The following CPNE5 variants were observed in gnomAD, a reference collection of about 807,000 sequenced individuals.
The protein encoded by CPNE5 is copine-5.
CPNE5 carries 42 observed loss-of-function variants against 81.1 expected under a neutral mutation model. The observed-to-expected ratio is 0.52, with a 90% CI of 0.40 to 0.67. The LOEUF (loss-of-function observed/expected upper bound fraction) is 0.67, where lower values mean the gene tolerates loss of function less well. Among genes scored for constraint, CPNE5 ranks in the 30% least tolerant of loss-of-function variants. The probability of loss-of-function intolerance (pLI) is 0.00; values close to 1 mark genes in which losing one functional copy is unlikely to be tolerated. For synonymous variants in CPNE5, 313 were observed against 321.5 expected (o/e 0.97, Z 0.28); for missense variants, 612 against 815.5 (o/e 0.75, Z 3.04).
intron 1 of CPNE5, among the ~76,000 whole-genome samples, chr6:36,834,926 C>G (rs943954103): frequency 2.0e-5 from 3 of 152,176 alleles, no homozygotes; most frequent in African/African-American, 7.2e-5. Context: ...GTTCACACCC[C>G]TTCTGAGAGA....
intron 10 of CPNE5, among the ~76,000 whole-genome samples, chr6:36,771,313 G>C (rs1454187933): frequency 6.6e-6 from 1 of 152,146 alleles, no homozygotes; most frequent in Non-Finnish European, 1.5e-5. Flanking sequence ...ACAGAATCTA[G>C]AGCCAGGCTG....
At chr6:36,749,297 G>T (rs1000726787) in intron 14 of CPNE5, among the ~76,000 whole-genome samples, 4 of 152,064 alleles carry the variant, frequency 2.6e-5, no homozygotes, top group African/African-American at 4.8e-5. Flanking sequence ...CAGGTGCTTG[G>T]GGGGAATGAA....
chr6:36,828,325 A>G (rs1454767352), intron 1 of CPNE5, among the ~76,000 whole-genome samples: 1 of 151,544 alleles, frequency 6.6e-6, no homozygotes. Context: ...AAAAAAAAAA[A>G]AAAAGAAAGG....
chr6:36,802,630 T>C (rs1458971885), intron 3 of CPNE5, among the ~76,000 whole-genome samples: 1 of 152,206 alleles, frequency 6.6e-6, no homozygotes, highest in African/African-American at 2.4e-5. Flanking sequence ...AGTGTCAGTC[T>C]TCCTTGATGG....
chr6:36,797,958 G>C (rs1308785486), intron 6 of CPNE5, among the ~76,000 whole-genome samples: 1 of 152,088 alleles, frequency 6.6e-6, no homozygotes, highest in Non-Finnish European at 1.5e-5. Flanking sequence ...CCCAGGAGAT[G>C]GGACTCTAAT....
At chr6:36,810,664 T>G (rs187623007) in intron 3 of CPNE5, among the ~76,000 whole-genome samples, 1 of 152,254 alleles carries the variant, frequency 6.6e-6, no homozygotes, top group African/African-American at 2.4e-5. Flanking sequence ...TCTGGAAAGT[T>G]CTCTCTGGTT....
chr6:36,802,889 A>T (rs1770253297), intron 3 of CPNE5, among the ~76,000 whole-genome samples: 1 of 151,398 alleles, frequency 6.6e-6, no homozygotes, highest in Non-Finnish European at 1.5e-5. Context: ...ATCTCTATTT[A>T]AAAAAAAATA....
At chr6:36,788,034 C>CTTT (rs761359601) in intron 8 of CPNE5, among the ~76,000 whole-genome samples, 2 of 138,230 alleles carry the variant, frequency 1.4e-5, no homozygotes, top group African/African-American at 2.7e-5. Context: ...CCTACCTTTT[C>CTTT]TTTTTTTTTT....
chr6:36,775,895 T>C (rs1426599036), intron 9 of CPNE5, among the ~76,000 whole-genome samples: 1 of 152,238 alleles, frequency 6.6e-6, no homozygotes, highest in Non-Finnish European at 1.5e-5. Context: ...CAATAATTCT[T>C]TTTAAATGAA....
intron 3 of CPNE5, among the ~76,000 whole-genome samples, chr6:36,811,354 G>A (rs1380714483): frequency 3.9e-5 from 6 of 152,198 alleles, no homozygotes; most frequent in Non-Finnish European, 1.5e-5. Flanking sequence ...TCCAGATAAA[G>A]CATTGGTTTC....
chr6:36,799,346 C>A (rs1769893105), intron 4 of CPNE5, among the ~76,000 whole-genome samples: 1 of 152,184 alleles, frequency 6.6e-6, no homozygotes, highest in African/African-American at 2.4e-5. Flanking sequence ...TCCCTAAGAT[C>A]CCAAACCCCC....
chr6:36,753,256 C>T (rs1009509427), intron 13 of CPNE5, among the ~76,000 whole-genome samples, 161 bp from the exon 14 acceptor site: 1 of 152,216 alleles, frequency 6.6e-6, no homozygotes, highest in Non-Finnish European at 1.5e-5. Flanking sequence ...ATTATTATCC[C>T]CACTTTATAG....
At chr6:36,765,236 C>A (rs41272184) in intron 11 of CPNE5, 99 bp downstream of exon 11, 1 of 1,349,036 alleles carries the variant, frequency 7.4e-7, no homozygotes, top group Non-Finnish European at 1.0e-6. Context: ...AGAGCCACTG[C>A]GGGGGGGAGC....
At chr6:36,819,805 T>G (rs1771883988) in intron 3 of CPNE5, among the ~76,000 whole-genome samples, 1 of 151,746 alleles carries the variant, frequency 6.6e-6, no homozygotes, top group Admixed American at 6.6e-5. Context: ...CTGTCAGGAG[T>G]CCACCAGCCT....
At chr6:36,835,709 T>A (rs1235771857) in intron 1 of CPNE5, among the ~76,000 whole-genome samples, 3 of 151,630 alleles carry the variant, frequency 2.0e-5, no homozygotes, top group African/African-American at 7.3e-5. Flanking sequence ...GGTAGGAGAA[T>A]CACTTGAACC....
intron 14 of CPNE5, among the ~76,000 whole-genome samples, 160 bp from the exon 15 acceptor site, chr6:36,748,427 A>G (rs1764430622): frequency 6.6e-6 from 1 of 152,206 alleles, no homozygotes; most frequent in South Asian, 2.1e-4. Flanking sequence ...GAGCTGAGAT[A>G]GTAATGCCAG....
intron 8 of CPNE5, among the ~76,000 whole-genome samples, chr6:36,779,585 C>G (rs1177463369): frequency 1.3e-5 from 2 of 152,226 alleles, no homozygotes; most frequent in African/African-American, 4.8e-5. Flanking sequence ...CAGGTAGATA[C>G]AGTGGGGTCT....
At chr6:36,805,406 G>A (rs1770502064) in intron 3 of CPNE5, among the ~76,000 whole-genome samples, 1 of 152,238 alleles carries the variant, frequency 6.6e-6, no homozygotes, top group Non-Finnish European at 1.5e-5. Flanking sequence ...CACACTTTGG[G>A]CTCTGAGGAT....
intron 6 of CPNE5, among the ~76,000 whole-genome samples, chr6:36,795,137 G>A (rs947271392): frequency 6.6e-6 from 1 of 152,184 alleles, no homozygotes; most frequent in African/African-American, 2.4e-5. Flanking sequence ...CAGGTCCTCA[G>A]AATGTGACTA....
Sources: allele counts gnomAD v4.1 joint callset (sites outside exome capture counted in the v4.1 genomes callset), GRCh38; gene constraint gnomAD v4.1.1; transcripts MANE v1.5; gene names NCBI Gene and HGNC (gene_info 2026-07-23, HGNC 2026-07-21).